Variants in USH2A observed in about 807,000 individuals in gnomAD.
USH2A encodes the protein Usher syndrome 2A (autosomal recessive, mild).
In USH2A, 443 loss-of-function variants were observed where a neutral mutation model predicts 538.9. That is an observed-to-expected ratio of 0.82 (90% CI 0.76 to 0.89). USH2A has a LOEUF of 0.89. Ranked by LOEUF, USH2A falls within the 40% of genes least tolerant of loss-of-function variation. The pLI, the probability that USH2A is intolerant of heterozygous loss-of-function variation, is 0.00. For missense variants in USH2A, 6,633 were observed against 6,324.8 expected (o/e 1.05, Z -1.65); for synonymous variants, 2,413 against 2,273.5 (o/e 1.06, Z -1.75).
At chr1:216,286,741 A>AAATG (rs2036893767) in intron 11 of USH2A, among the ~76,000 whole-genome samples, 1 of 151,896 alleles carries the variant, frequency 6.6e-6, no homozygotes, top group Non-Finnish European at 1.5e-5. Flanking sequence ...ATAAATAAAT[A>AAATG]AATAAATAAA....
intron 30 of USH2A, among the ~76,000 whole-genome samples, chr1:216,066,963 G>A (rs890914664): frequency 6.6e-6 from 1 of 152,138 alleles, no homozygotes; most frequent in Admixed American, 6.5e-5. Context: ...TCCACTGCTA[G>A]GGATTTATTA....
chr1:215,678,448 TG>T (rs2102670086), intron 62 of USH2A, among the ~76,000 whole-genome samples: 1 of 152,354 alleles, frequency 6.6e-6, no homozygotes, highest in Non-Finnish European at 1.5e-5. Context: ...TTGCATTTGC[TG>T]TTCATTTTGT....
At chr1:216,013,759 C>G (rs952149357) in intron 32 of USH2A, among the ~76,000 whole-genome samples, 74 of 152,156 alleles carry the variant, frequency 4.9e-4, no homozygotes, top group African/African-American at 1.6e-3. Flanking sequence ...ACCCCTATCT[C>G]CCTTCGCTGA....
At chr1:215,977,232 G>A (rs904520725) in intron 35 of USH2A, among the ~76,000 whole-genome samples, 4 of 152,134 alleles carry the variant, frequency 2.6e-5, no homozygotes, top group African/African-American at 9.6e-5. Flanking sequence ...ATCTTTGCTA[G>A]CTTCGAGTTT....
At chr1:216,187,383 T>C (rs2034629739) in intron 20 of USH2A, among the ~76,000 whole-genome samples, 1 of 151,922 alleles carries the variant, frequency 6.6e-6, no homozygotes, top group African/African-American at 2.4e-5. Context: ...CACAATAAAA[T>C]GTAGTAATAA....
At chr1:215,895,548 A>G (rs1351761653) in intron 40 of USH2A, among the ~76,000 whole-genome samples, 1 of 152,206 alleles carries the variant, frequency 6.6e-6, no homozygotes, top group African/African-American at 2.4e-5. Context: ...GTCTTACTCC[A>G]GAAGAACCTC....
At chr1:215,938,939 G>T (rs1271073614) in intron 37 of USH2A, among the ~76,000 whole-genome samples, 1 of 152,122 alleles carries the variant, frequency 6.6e-6, no homozygotes, top group African/African-American at 2.4e-5. Context: ...AGAGCATAGG[G>T]TGCTGGGATC....
chr1:216,335,351 A>T (rs1295816487), intron 4 of USH2A, among the ~76,000 whole-genome samples: 1 of 151,592 alleles, frequency 6.6e-6, no homozygotes, highest in Non-Finnish European at 1.5e-5. Flanking sequence ...TTATTAAATC[A>T]ATAACCTAAT....
chr1:215,821,790 G>T (rs796709528), intron 47 of USH2A, among the ~76,000 whole-genome samples: 5 of 151,692 alleles, frequency 3.3e-5, no homozygotes, highest in Non-Finnish European at 7.4e-5. Flanking sequence ...TCTTGAATGC[G>T]GTAAGAGATA....
At chr1:216,240,450 A>G (rs2987771) in intron 13 of USH2A, among the ~76,000 whole-genome samples, 147,001 of 151,402 alleles carry the variant, frequency 0.97, 71,401 homozygotes, top group East Asian at 1. Context: ...GAACATAAGA[A>G]CCATCACTGA....
intron 36 of USH2A, among the ~76,000 whole-genome samples, chr1:215,969,333 C>T (rs1667434625): frequency 6.6e-6 from 1 of 152,134 alleles, no homozygotes; most frequent in Admixed American, 6.6e-5. Context: ...TCCCCCCTTC[C>T]TATCAGAGCT....
At chr1:216,083,615 G>A (rs1213860697) in intron 25 of USH2A, 29 bp from the exon 26 acceptor site, 4 of 1,607,560 alleles carry the variant, frequency 2.5e-6, no homozygotes, top group African/African-American at 1.3e-5. Flanking sequence ...GTACATATTA[G>A]CATGTGTAAC....
chr1:216,121,704 C>T (rs921554901), intron 21 of USH2A, among the ~76,000 whole-genome samples: 9 of 152,172 alleles, frequency 5.9e-5, no homozygotes, highest in East Asian at 1.9e-4. Context: ...TGGAGAAAAA[C>T]TAATGATGTC....
chr1:215,998,959 G>T lies in USH2A; in HGVS notation c.6585C>A (p.Asn2195Lys). ...HDFTIWSVIY[N>K]STELFQDHML... ...TATGATCCTGGAAAAGTTCTGTACT[G>T]TTATAGATGACACTCCAAATTGTAA... Residue 2195 changes from asparagine (N) to lysine (K), a missense_variant, in exon 34 of 72, where the codon AAC becomes AAA. Asn to Lys is a moderately conservative substitution (Grantham distance 94). Transcript: ENST00000307340. 6.2e-7 allele frequency: 1 copy of T among 1,613,100 alleles called. No individual in the cohort carries two copies. Among genetic ancestry groups the T allele is most frequent in the Non-Finnish European group, 8.5e-7 (1 of 1,179,354 alleles).
chr1:215,761,289 G>C (rs765276076), intron 56 of USH2A, among the ~76,000 whole-genome samples: 1 of 152,056 alleles, frequency 6.6e-6, no homozygotes, highest in Non-Finnish European at 1.5e-5. Context: ...TATTGATAAG[G>C]CCTCATTTTA....
At chr1:215,809,958 C>T (rs4531267) in intron 49 of USH2A, among the ~76,000 whole-genome samples, 80,606 of 151,892 alleles carry the variant, frequency 0.53, 21,787 homozygotes, top group Admixed American at 0.67. Flanking sequence ...GTTAAACTAG[C>T]TAACAAAGAC....
At chr1:215,785,972 CTT>C (rs1342297341) in intron 52 of USH2A, among the ~76,000 whole-genome samples, 1 of 149,522 alleles carries the variant, frequency 6.7e-6, no homozygotes, top group African/African-American at 2.5e-5. Context: ...CACACACAAA[CTT>C]GATTTTTCAA....
At chr1:215,795,182 T>A (rs1464316644) in intron 50 of USH2A, among the ~76,000 whole-genome samples, 1 of 152,198 alleles carries the variant, frequency 6.6e-6, no homozygotes, top group Admixed American at 6.5e-5. Context: ...TTACACAGAG[T>A]GTATACCTCC....
chr1:216,012,697 C>T (rs184615832), intron 32 of USH2A, among the ~76,000 whole-genome samples: 3,719 of 152,226 alleles, frequency 0.024, 146 homozygotes, highest in African/African-American at 0.082. Context: ...TAAAAACACA[C>T]CTCACCAAGC....
Sources: gnomAD v4.1 joint callset for allele counts (sites outside exome capture counted in the v4.1 genomes callset) on GRCh38, gnomAD v4.1.1 for gene constraint, MANE v1.5 for transcripts, NCBI Gene and HGNC (gene_info 2026-07-23, HGNC 2026-07-21) for gene names.